ZNF721: variants seen among roughly 807,000 people sequenced by gnomAD.
ZNF721 encodes the protein zinc finger protein 721.
Under a neutral mutation model 2.4 loss-of-function variants are expected in ZNF721, and 2 were observed. The ratio of observed to expected loss-of-function variants is 0.82; its 90% CI spans 0.34 to 2.58. The LOEUF (loss-of-function observed/expected upper bound fraction) is 2.58, where lower values mean the gene tolerates loss of function less well. Among genes scored for constraint, ZNF721 ranks in the 30% most tolerant of loss-of-function variants. ZNF721 has a pLI of 0.11. For missense variants in ZNF721, 1,187 were observed against 1,085.5 expected (o/e 1.09, Z -1.31); for synonymous variants, 398 against 381.8 (o/e 1.04, Z -0.50).
At chr4:476,429 G>A (rs868972210) in intron 1 of ZNF721, among the ~76,000 whole-genome samples, 9 of 152,252 alleles carry the variant, frequency 5.9e-5, no homozygotes, top group Non-Finnish European at 1.0e-4. Context: ...TACTTCCTCT[G>A]GGAAATGCAG....
chr4:442,233 T>C lies in ZNF721; in HGVS notation c.2234A>G (p.Lys745Arg). The C allele has an allele frequency of 6.2e-7, 1 of 1,613,172 alleles. No individual in the cohort carries two copies. Among genetic ancestry groups the C allele is most frequent in the African/African-American group, 1.3e-5 (1 of 75,022 alleles). ...GTAGAGTTTATCTCCAGTATGAATTTTCTTATATTCGTTCAGGTTTGTGGA... is the reference window on the plus strand; with the variant it reads ...GTAGAGTTTATCTCCAGTATGAATTCTCTTATATTCGTTCAGGTTTGTGGA... ...GWSTNLNEYK[K>R]IHTGDKLYKC... The change falls in exon 3 of 3, where the codon AAA becomes AGA. Residue 745 changes from lysine to arginine, a missense_variant. Physicochemically the swap from Lys to Arg is conservative, Grantham distance 26. Coordinates refer to ENST00000511833, the MANE Select transcript of ZNF721 (RefSeq NM_133474.4).
At chr4:461,094 AT>A (rs549566332) in intron 2 of ZNF721, among the ~76,000 whole-genome samples, 48 of 152,320 alleles carry the variant, frequency 3.2e-4, no homozygotes, top group Non-Finnish European at 6.0e-4. Flanking sequence ...TCCCTAACTC[AT>A]TTTATGAGGC....
intron 2 of ZNF721, among the ~76,000 whole-genome samples, chr4:446,381 CTTTTT>C (rs1358256623): frequency 7.4e-6 from 1 of 135,054 alleles, no homozygotes; most frequent in Admixed American, 7.4e-5. Flanking sequence ...AGGAAGTTTT[CTTTTT>C]TTTTTTTTTT....
intron 2 of ZNF721, among the ~76,000 whole-genome samples, chr4:469,916 C>G (rs1232103592): frequency 6.6e-6 from 1 of 152,154 alleles, no homozygotes; most frequent in Non-Finnish European, 1.5e-5. Flanking sequence ...TGGTCTCGTT[C>G]TGTTGCCCAG....
chr4:474,153 C>T (rs1472713162), intron 1 of ZNF721: 5 of 690,366 alleles, frequency 7.2e-6, no homozygotes, highest in African/African-American at 1.9e-5. Context: ...AGGCCAAGGC[C>T]GCCGAAGATC....
intron 2 of ZNF721, among the ~76,000 whole-genome samples, chr4:468,994 A>G (rs1715344627): frequency 6.6e-6 from 1 of 152,232 alleles, no homozygotes; most frequent in Admixed American, 6.5e-5. Context: ...AGATAATATG[A>G]TCATGCATAT....
At chr4:450,272 A>C (rs1553864702) in intron 2 of ZNF721, among the ~76,000 whole-genome samples, 1 of 152,246 alleles carries the variant, frequency 6.6e-6, no homozygotes, top group East Asian at 1.9e-4. Flanking sequence ...GAATCAATCC[A>C]AGTGTCCAGA....
intron 2 of ZNF721, among the ~76,000 whole-genome samples, chr4:456,779 T>C (rs539913034): frequency 6.6e-5 from 10 of 152,242 alleles, no homozygotes; most frequent in African/African-American, 2.4e-4. Context: ...CTTGGGAGCC[T>C]GAGGCAGAAG....
intron 2 of ZNF721, among the ~76,000 whole-genome samples, chr4:455,146 T>G (rs1474715562): frequency 4.6e-5 from 7 of 152,204 alleles, no homozygotes; most frequent in African/African-American, 1.7e-4. Context: ...TGCAATCTGC[T>G]TATTATATCA....
intron 1 of ZNF721, among the ~76,000 whole-genome samples, chr4:475,079 C>G (rs1347270818): frequency 6.6e-6 from 1 of 151,560 alleles, no homozygotes; most frequent in East Asian, 1.9e-4. Context: ...CCCAGCTACT[C>G]GGGAGGCTGA....
At chr4:465,557 A>G (rs1553866649) in intron 2 of ZNF721, among the ~76,000 whole-genome samples, 2 of 151,274 alleles carry the variant, frequency 1.3e-5, no homozygotes, top group East Asian at 3.9e-4. Flanking sequence ...TCAGCCTCCC[A>G]AGTAGCTGGG....
At chr4:447,427 A>C (rs1553864331) in intron 2 of ZNF721, among the ~76,000 whole-genome samples, 1 of 152,124 alleles carries the variant, frequency 6.6e-6, no homozygotes, top group Non-Finnish European at 1.5e-5. Context: ...ACGCCAAAAA[A>C]TAAGAAGTAA....
At chr4:470,749 G>A (rs569370276) in intron 2 of ZNF721, among the ~76,000 whole-genome samples, 53 of 152,014 alleles carry the variant, frequency 3.5e-4, no homozygotes, top group African/African-American at 1.3e-3. Context: ...AAGGCTGGGC[G>A]CAGCAGCTCA....
chr4:449,344 A>T (rs1714576876), intron 2 of ZNF721, among the ~76,000 whole-genome samples: 1 of 152,158 alleles, frequency 6.6e-6, no homozygotes, highest in Non-Finnish European at 1.5e-5. Flanking sequence ...TGTTATTGGA[A>T]AAAGACAATA....
chr4:479,336 T>A (rs1715716337), intron 1 of ZNF721, among the ~76,000 whole-genome samples: 2 of 152,084 alleles, frequency 1.3e-5, no homozygotes, highest in African/African-American at 2.4e-5. Context: ...ACCCATGACA[T>A]CATGCACGTG....
chr4:474,242 C>G, intron 1 of ZNF721: 1 of 367,730 alleles, frequency 2.7e-6, no homozygotes, highest in South Asian at 2.1e-5. Flanking sequence ...GATATGGGTC[C>G]AGGCTTCACG....
Position 442,581 on chromosome 4 carries a change from T to C in ZNF721, c.1886A>G (p.Asn629Ser). 1 of 1,613,846 alleles carries C rather than the reference T, an allele frequency of 6.2e-7. No individual in the cohort carries two copies. The highest frequency in any genetic ancestry group is 2.2e-5 in the East Asian group (1 of 44,866). The change falls in exon 3 of 3, where the codon AAT (asparagine) becomes AGT (serine). Residue 629 changes from asparagine (N) to serine (S), a missense_variant. Asn to Ser is a conservative substitution (Grantham distance 46). Transcript: ENST00000511833. ...GKDFVWYTDL[N>S]QQKKIYTGEK... is the part of the protein sequence containing the mutation. ...CCCAGTGTAAATTTTCTTCTGTTGA[T>C]TCAGGTCCGTGTACCATACAAAGTC... is the stretch of plus-strand genomic sequence containing the variant.
At chr4:456,366 G>A (rs971089692) in intron 2 of ZNF721, among the ~76,000 whole-genome samples, 1 of 151,912 alleles carries the variant, frequency 6.6e-6, no homozygotes, top group African/African-American at 2.4e-5. Context: ...CACCATGCCC[G>A]GCCTATCAAA....
intron 2 of ZNF721, among the ~76,000 whole-genome samples, chr4:455,342 C>T (rs373463987): frequency 2.5e-4 from 38 of 152,174 alleles, no homozygotes; most frequent in Admixed American, 6.5e-4. Flanking sequence ...CCGAGGCGGG[C>T]GGATCAGCTG....
Sources: allele counts gnomAD v4.1 joint callset (sites outside exome capture counted in the v4.1 genomes callset), GRCh38; gene constraint gnomAD v4.1.1; transcripts MANE v1.5; gene names NCBI Gene and HGNC (gene_info 2026-07-23, HGNC 2026-07-21).